The following ZNF519 variants were observed in gnomAD, a reference collection of about 807,000 sequenced individuals.
ZNF519 encodes zinc finger protein 519.
ZNF519 carries 7 observed loss-of-function variants against 7.4 expected under a neutral mutation model. That is an observed-to-expected ratio of 0.94 (90% confidence interval 0.54 to 1.77). The LOEUF (loss-of-function observed/expected upper bound fraction) is 1.77. Ranked by LOEUF, ZNF519 falls within the 40% of genes most tolerant of loss-of-function variation. ZNF519 has a pLI of 0.00. For missense variants in ZNF519, 586 were observed against 623.1 expected, an observed-to-expected ratio of 0.94 and a Z score of 0.63; for synonymous variants, 179 against 203.3, an observed-to-expected ratio of 0.88 and a Z score of 1.02.
chr18:14,087,357 G>A (rs972888825), intron 2 of ZNF519, among the ~76,000 whole-genome samples: 2 of 152,140 alleles, frequency 1.3e-5, no homozygotes, highest in African/African-American at 4.8e-5. Flanking sequence ...GTAAGAAAAA[G>A]AAATAAAAGG....
At chr18:14,118,294 G>A (rs752780493) in intron 2 of ZNF519, among the ~76,000 whole-genome samples, 10 of 152,046 alleles carry the variant, frequency 6.6e-5, no homozygotes, top group Admixed American at 5.2e-4. Context: ...TCCTGACCTC[G>A]TGATCCACCT....
Position 14,086,641 on chromosome 18 carries a change from C to T in ZNF519, c.131-1565G>A, listed in dbSNP as rs867512976. On this transcript the variant is annotated intron_variant and NMD_transcript_variant, in intron 2 of 4. Coordinates refer to the ZNF519 transcript ENST00000587419. The stretch of plus-strand genomic sequence containing the variant: ...CAACCTGGGGACCGTAAACAGAACC[C>T]CTGGAGCTGTTCCGGCCCCAGGCAG... Among the ~76,000 whole-genome samples, 21 of 152,190 alleles carry T rather than the reference C, an allele frequency of 1.4e-4. No individual in the cohort carries two copies. In the South Asian group the frequency reaches 1.7e-3, roughly 12 times the overall value.
At position 14,106,066 on chromosome 18, in the gene ZNF519, A is replaced by G; in HGVS notation, c.474T>C (p.Asn158=). 1.9e-6 allele frequency: 3 copies of G among 1,596,860 alleles called. No individual in the cohort carries two copies. Among genetic ancestry groups the G allele is most frequent in the South Asian group, 2.3e-5 (2 of 88,172 alleles). ...KFLKSVFCNK[N]QINFNHDSNI... ...TTGAGTCATGGTTAAAATTTATCTGATTTTTATTACAAAAGACAGATTTCA... is the reference window on the plus strand; with the variant it reads ...TTGAGTCATGGTTAAAATTTATCTGGTTTTTATTACAAAAGACAGATTTCA... Residue 158 remains asparagine (N), a synonymous_variant, in exon 3 of 3, where the codon AAT becomes AAC. Transcript: ENST00000590202.
intron 2 of ZNF519, among the ~76,000 whole-genome samples, chr18:14,085,407 T>A (rs544203500): frequency 8.6e-4 from 131 of 152,148 alleles, no homozygotes; most frequent in Non-Finnish European, 1.2e-3. Context: ...GAAGGGTGAT[T>A]TTTTTGGAAA....
At chr18:14,124,914 G>A (rs2046290243) in intron 1 of ZNF519, among the ~76,000 whole-genome samples, 1 of 152,156 alleles carries the variant, frequency 6.6e-6, no homozygotes, top group Non-Finnish European at 1.5e-5. Flanking sequence ...AACTCTCCAT[G>A]TGATCCTATT....
At position 14,105,990 on chromosome 18, in the gene ZNF519, T is replaced by C; in HGVS notation, c.550A>G (p.Asn184Asp). The C allele has an allele frequency of 6.3e-7, 1 of 1,585,504 alleles. No individual in the cohort carries two copies. The highest frequency in any genetic ancestry group is 8.6e-7 in the Non-Finnish European group (1 of 1,162,218). Residue 184 changes from asparagine (N) to aspartate (D), a missense_variant, in exon 3 of 3, where the codon AAT (asparagine) becomes GAT (aspartate). Coordinates refer to ENST00000590202, the MANE Select transcript of ZNF519 (RefSeq NM_145287.4). ...THFLENYYNC[N>D]ECEKVFYQSS... is the part of the protein sequence containing the mutation. Reference sequence around the variant, plus strand: ...TGGTAAAATACTTTTTCACATTCATTACAATTGTAATAGTTTTCTAGAAAA... The same window carrying C: ...TGGTAAAATACTTTTTCACATTCATCACAATTGTAATAGTTTTCTAGAAAA...
downstream of ZNF519, chr18:14,075,129 C>T (rs1442152405): frequency 6.6e-6 from 1 of 152,254 alleles, no homozygotes; most frequent in East Asian, 1.9e-4. Context: ...ATCCCGAGAA[C>T]AATACAGAAA....
intron 3 of ZNF519, among the ~76,000 whole-genome samples, chr18:14,080,508 G>A (rs2046067064): frequency 6.6e-6 from 1 of 151,928 alleles, no homozygotes. Flanking sequence ...TTTTAGTAGA[G>A]ACGGGGTTTC....
chr18:14,073,704 A>G (rs2046036932), downstream of ZNF519: 1 of 152,240 alleles, frequency 6.6e-6, no homozygotes, highest in Admixed American at 6.5e-5. Flanking sequence ...TTTGAAATTC[A>G]TGATGTATAA....
intron 3 of ZNF519, among the ~76,000 whole-genome samples, chr18:14,080,419 TCAAG>T (rs2046066655): frequency 7.1e-6 from 1 of 141,810 alleles, no homozygotes; most frequent in African/African-American, 2.6e-5. Flanking sequence ...CCTCCCGGGT[TCAAG>T]CAATTCTCTT....
At chr18:14,131,557 T>C (rs1031549210) in intron 1 of ZNF519, among the ~76,000 whole-genome samples, 1 of 152,206 alleles carries the variant, frequency 6.6e-6, no homozygotes, top group Non-Finnish European at 1.5e-5. Context: ...AATAATTACA[T>C]AGCAGTCATT....
intron 2 of ZNF519, among the ~76,000 whole-genome samples, chr18:14,112,347 C>A (rs541885223): frequency 1.3e-5 from 2 of 152,092 alleles, no homozygotes; most frequent in Non-Finnish European, 2.9e-5. Flanking sequence ...ATGACACTCA[C>A]ATTATATGAT....
rs375712536 is a variant in ZNF519, at chr18:14,085,611, G to A, written c.131-535C>T. Among the ~76,000 whole-genome samples the A allele has an allele frequency of 3.1e-3, 474 of 152,206 alleles. 2 individuals are homozygous for A. Among genetic ancestry groups the A allele is most frequent in the African/African-American group, 0.01 (433 of 41,490 alleles). On this transcript the variant is annotated intron_variant and NMD_transcript_variant, in intron 2 of 4. Transcript: ENST00000587419. ...AATAAGAAAAGAGGCATTGAAGAAG[G>A]TAGGAAGGACAGAGTCTCACTGCTC...
At chr18:14,108,096 G>A (rs1253554016) in intron 2 of ZNF519, among the ~76,000 whole-genome samples, 1 of 152,136 alleles carries the variant, frequency 6.6e-6, no homozygotes, top group Admixed American at 6.5e-5. Context: ...AATTACTGGT[G>A]GTACCAGGTA....
chr18:14,085,397 G>C (rs1425217646), intron 2 of ZNF519, among the ~76,000 whole-genome samples: 4 of 151,974 alleles, frequency 2.6e-5, no homozygotes, highest in African/African-American at 7.3e-5. Context: ...AGGAAAATCA[G>C]AAGGGTGATT....
chr18:14,110,809 AT>A, intron 2 of ZNF519, among the ~76,000 whole-genome samples: 1 of 152,360 alleles, frequency 6.6e-6, no homozygotes, highest in Non-Finnish European at 1.5e-5. Context: ...AAAACTAGAT[AT>A]TGTATATTCT....
In ZNF519 at chr18:14,132,263, C is replaced by T. The variant is rs769010632; in HGVS notation, c.3+12G>A. 8.1e-6 allele frequency: 13 copies of T among 1,613,714 alleles called. No homozygotes were observed. Among genetic ancestry groups the T allele is most frequent in the Non-Finnish European group, 1.1e-5 (13 of 1,179,816 alleles). On this transcript the variant is annotated intron_variant, in intron 1 of 2. Coordinates refer to ENST00000590202, the MANE Select transcript of ZNF519 (RefSeq NM_145287.4). ...CTCCCCAGTCTCGGTACGCCCTGCC[C>T]CCCACACTCACCATTTCTCGGCTTC... is the stretch of plus-strand genomic sequence containing the variant.
At chr18:14,111,964 C>CA (rs1235019161) in intron 2 of ZNF519, among the ~76,000 whole-genome samples, 2 of 151,858 alleles carry the variant, frequency 1.3e-5, no homozygotes, top group Admixed American at 6.6e-5. Flanking sequence ...AAACGCCTAT[C>CA]AAAAAAATCT....
chr18:14,095,512 ATGCTGCTATGGC>A (rs1360415019), downstream of ZNF519, among the ~76,000 whole-genome samples: 1 of 152,232 alleles, frequency 6.6e-6, no homozygotes, highest in Non-Finnish European at 1.5e-5. Context: ...CTTAGACAAC[ATGCTGCTATGGC>A]TTGCCTGCCA....
Sources: allele counts gnomAD v4.1 joint callset (sites outside exome capture counted in the v4.1 genomes callset), GRCh38; gene constraint gnomAD v4.1.1; transcripts MANE v1.5; gene names NCBI Gene and HGNC (gene_info 2026-07-23, HGNC 2026-07-21).